Variants in EYA2 observed in about 807,000 individuals in gnomAD.
EYA2 encodes the protein protein phosphatase EYA2.
EYA2 carries 31 observed loss-of-function variants against 69.2 expected under a neutral mutation model. The observed-to-expected ratio is 0.45, with a 90% confidence interval of 0.34 to 0.60. The LOEUF (loss-of-function observed/expected upper bound fraction) is 0.60, where lower values mean the gene tolerates loss of function less well. Ranked by LOEUF, EYA2 falls within the 20% of genes least tolerant of loss-of-function variation. The pLI is 0.02. For synonymous variants in EYA2, 257 were observed against 279.4 expected (o/e 0.92, Z 0.80); for missense variants, 622 against 701.2 (o/e 0.89, Z 1.28).
At chr20:47,031,378 G>A (rs1220314031) in intron 5 of EYA2, among the ~76,000 whole-genome samples, 1 of 152,226 alleles carries the variant, frequency 6.6e-6, no homozygotes, top group Non-Finnish European at 1.5e-5. Context: ...TTGCATCTCA[G>A]AAAGACCAGT....
intron 5 of EYA2, among the ~76,000 whole-genome samples, chr20:47,020,221 G>C (rs974073923): frequency 6.6e-6 from 1 of 152,152 alleles, no homozygotes; most frequent in Non-Finnish European, 1.5e-5. Context: ...GTAAACTGAG[G>C]CACTGCAACA....
chr20:46,940,734 G>T (rs1986120406), intron 1 of EYA2, among the ~76,000 whole-genome samples: 1 of 152,196 alleles, frequency 6.6e-6, no homozygotes, highest in African/African-American at 2.4e-5. Context: ...CAGGGCGGTG[G>T]CCAAAGCTCC....
intron 9 of EYA2, among the ~76,000 whole-genome samples, chr20:47,112,921 G>T (rs1255236290): frequency 1.6e-5 from 2 of 126,262 alleles, no homozygotes; most frequent in African/African-American, 5.8e-5. Context: ...ACCCGGGCTG[G>T]AGTGCAGTGG....
At chr20:46,915,863 C>T (rs1411580731) in intron 1 of EYA2, among the ~76,000 whole-genome samples, 1 of 152,060 alleles carries the variant, frequency 6.6e-6, no homozygotes, top group Non-Finnish European at 1.5e-5. Context: ...TACCCCCGGA[C>T]CTGGGGGCTC....
At position 47,072,213 on chromosome 20, in the gene EYA2, T is replaced by C. The variant is rs369603684; in HGVS notation, c.444T>C (p.Asn148=). The stretch of plus-strand genomic sequence containing the variant: ...CAACAGGGTTCTATCAAGGAGGAAA[T>C]GGACTGGGCAACGCAGCCGGTTTCG... ...HGTTGFYQGG[N]GLGNAAGFGS... The change falls in exon 6 of 16, where the codon AAT becomes AAC. Residue 148 remains asparagine, a synonymous_variant. Transcript: ENST00000327619. The C allele has an allele frequency of 1.3e-5, 21 of 1,613,096 alleles. No homozygotes were observed. The highest frequency in any genetic ancestry group is 1.8e-5 in the Non-Finnish European group (21 of 1,179,660).
intron 7 of EYA2, among the ~76,000 whole-genome samples, chr20:47,084,169 C>T (rs917094098): frequency 6.6e-6 from 1 of 152,164 alleles, no homozygotes; most frequent in Non-Finnish European, 1.5e-5. Context: ...TCGCTTGAAC[C>T]CAGGAGGCGG....
In EYA2 at chr20:47,120,732, C is replaced by G. The variant is rs551630208; in HGVS notation, c.889-22327C>G. ...CCCTACTGACCTCATAAGACAAGCC[C>G]GAGAATGATTCTGTTTCCCAAAGGG... On this transcript the variant is annotated intron_variant, in intron 9 of 15. Transcript: ENST00000327619. 2.6e-5 allele frequency among the ~76,000 whole-genome samples: 4 copies of G among 152,130 alleles called. No individual in the cohort carries two copies. In the East Asian group the frequency reaches 7.7e-4, roughly 29 times the overall value.
At position 47,167,321 on chromosome 20, in the gene EYA2, G is replaced by A. The variant is rs188572883; in HGVS notation, c.979-1818G>A. ...TTTTGAGACAGAGTCTCGCTCTGTC[G>A]CCCAGGCTGGCGTGCAGTGGTGTGA... On this transcript the variant is annotated intron_variant, in intron 10 of 15. Transcript: ENST00000327619. Among the ~76,000 whole-genome samples the A allele has an allele frequency of 7.6e-4, 94 of 124,108 alleles. 1 individual carries two copies. In the East Asian group the frequency reaches 0.013, roughly 17 times the overall value. 81.4% of individuals were successfully genotyped at this position (124,108 alleles called of 152,430 possible). A position where few individuals can be genotyped will look rare whatever the true frequency, so the allele number is the denominator to read the frequency against.
intron 5 of EYA2, among the ~76,000 whole-genome samples, chr20:47,025,187 T>C (rs1984005519): frequency 6.6e-6 from 1 of 152,250 alleles, no homozygotes; most frequent in African/African-American, 2.4e-5. Flanking sequence ...GTTTATTATT[T>C]ACATTTTTAT....
At chr20:46,932,055 C>T (rs1271712505) in intron 1 of EYA2, among the ~76,000 whole-genome samples, 2 of 151,546 alleles carry the variant, frequency 1.3e-5, no homozygotes, top group East Asian at 3.9e-4. Context: ...GCGCTCCTAG[C>T]CGGGGGACCC....
chr20:47,150,584 C>T (rs904740240), intron 10 of EYA2, among the ~76,000 whole-genome samples: 1 of 151,986 alleles, frequency 6.6e-6, no homozygotes, highest in Non-Finnish European at 1.5e-5. Flanking sequence ...CCTCCCACCT[C>T]AGCCTCCTGA....
chr20:46,953,025 C>A (rs535976339), intron 1 of EYA2, among the ~76,000 whole-genome samples: 1 of 152,188 alleles, frequency 6.6e-6, no homozygotes, highest in Admixed American at 6.5e-5. Flanking sequence ...TGTCATCCCA[C>A]TCTGAGAGAC....
At chr20:47,160,633 T>G (rs1252066388) in intron 10 of EYA2, among the ~76,000 whole-genome samples, 1 of 152,176 alleles carries the variant, frequency 6.6e-6, no homozygotes, top group Non-Finnish European at 1.5e-5. Flanking sequence ...ACACATGCAG[T>G]GCCTAGGCCA....
At chr20:47,159,344 A>G (rs1425029285) in intron 10 of EYA2, among the ~76,000 whole-genome samples, 1 of 152,026 alleles carries the variant, frequency 6.6e-6, no homozygotes, top group Admixed American at 6.5e-5. Context: ...TGAGAAAAAC[A>G]TCGGAAAAAT....
intron 4 of EYA2, among the ~76,000 whole-genome samples, chr20:47,007,616 T>G (rs6094551): frequency 0.31 from 46,657 of 151,800 alleles, 9,114 homozygotes; most frequent in Non-Finnish European, 0.44. Flanking sequence ...AATTTTATTC[T>G]TATTTTTATT....
intron 1 of EYA2, among the ~76,000 whole-genome samples, chr20:46,966,028 A>T (rs540140866): frequency 3.9e-5 from 6 of 152,246 alleles, no homozygotes; most frequent in African/African-American, 7.2e-5. Context: ...TTGAAATTCC[A>T]TGAATGTAGC....
intron 10 of EYA2, among the ~76,000 whole-genome samples, chr20:47,149,571 C>T (rs1448347713): frequency 6.6e-6 from 1 of 151,450 alleles, no homozygotes; most frequent in African/African-American, 2.4e-5. Flanking sequence ...GGGCCAGGCA[C>T]GATGGCTCAT....
intron 1 of EYA2, among the ~76,000 whole-genome samples, chr20:46,963,414 C>T (rs1377098403): frequency 1.3e-5 from 2 of 152,188 alleles, no homozygotes; most frequent in East Asian, 3.8e-4. Flanking sequence ...CCGTGCCAAG[C>T]CCTGGGGACA....
At position 47,001,424 on chromosome 20, in the gene EYA2, G is replaced by T. The variant is rs917159578; in HGVS notation, c.110-4G>T. 6.2e-7 allele frequency: 1 copy of T among 1,614,052 alleles called. No homozygotes were observed. The highest frequency in any genetic ancestry group is 8.5e-7 in the Non-Finnish European group (1 of 1,179,936). ...CTCTTCCAATTTTTCTTTTTCTCCT[G>T]CAGGCATCACCAAATCGGCCCCCCT... On this transcript the variant is annotated splice_polypyrimidine_tract_variant and splice_region_variant and intron_variant, in intron 2 of 15. Transcript: ENST00000327619.
Sources: allele counts gnomAD v4.1 joint callset (sites outside exome capture counted in the v4.1 genomes callset), GRCh38; gene constraint gnomAD v4.1.1; transcripts MANE v1.5; gene names NCBI Gene and HGNC (gene_info 2026-07-23, HGNC 2026-07-21).